The following SRSF3 variants were observed in gnomAD, a reference collection of about 807,000 sequenced individuals.
SRSF3 encodes serine and arginine rich splicing factor 3, also known as serine/arginine-rich splicing factor 3.
For synonymous variants in SRSF3, 87 were observed against 73.6 expected (o/e 1.18, Z -0.93); for missense variants, 58 against 217.1 (o/e 0.27, Z 4.61).
rs142053744 is a variant in SRSF3, at chr6:36,602,304, G to GT, written c.*324dup. The GT allele has an allele frequency of 8.9e-3, 2,919 of 326,154 alleles. 19 individuals carry two copies. The highest frequency in any genetic ancestry group is 0.02 in the African/African-American group (958 of 47,100). The allele number at this position is 326,154 out of a possible 1,614,324, so 20.2% of individuals were successfully genotyped here. On this transcript the variant is annotated 3_prime_UTR_variant, in exon 6 of 6. Transcript: ENST00000373715. ...CTCTAAACCTGCCCAGCGGAAGTGT[G>GT]TTTTTTTTTAAATTTAAATACAGAA...
chr6:36,598,453 G>A (rs551227203), intron 2 of SRSF3: 156 of 165,944 alleles, frequency 9.4e-4, no homozygotes, highest in Middle Eastern at 3.0e-3. Context: ...GTGTGATCTT[G>A]GCTCGTTGTA....
Position 36,602,934 on chromosome 6 carries a change from AACCC to A in SRSF3, c.*948_*951del. On this transcript the variant is annotated 3_prime_UTR_variant, in exon 6 of 6. Transcript: ENST00000373715. Reference sequence around the variant, plus strand: ...TAGCATAATTGTGTATAGTCAGTTGAACCCACTGTTACCATTGTTCTTATCCCAT... The same window carrying A: ...TAGCATAATTGTGTATAGTCAGTTGAACTGTTACCATTGTTCTTATCCCAT... 2 of 215,550 alleles carry A rather than the reference AACCC, an allele frequency of 9.3e-6. No individual in the cohort carries two copies. The highest frequency in any genetic ancestry group is 1.2e-4 in the Admixed American group (2 of 17,140). The allele number at this position is 215,550 out of a possible 1,614,324, so 13.4% of individuals were successfully genotyped here.
At position 36,602,942 on chromosome 6, in the gene SRSF3, G is replaced by A. The variant is rs145255788; in HGVS notation, c.*953G>A. ...TTGTGTATAGTCAGTTGAACCCACT[G>A]TTACCATTGTTCTTATCCCATGGGA... On this transcript the variant is annotated 3_prime_UTR_variant, in exon 6 of 6. Transcript: ENST00000373715. 1.5e-4 allele frequency: 33 copies of A among 215,526 alleles called. No individual in the cohort carries two copies. Among genetic ancestry groups the A allele is most frequent in the African/African-American group, 6.5e-4 (29 of 44,334 alleles). The allele number at this position is 215,526 out of a possible 1,614,324, so 13.4% of individuals were successfully genotyped here.
chr6:36,601,267 T>A, intron 4 of SRSF3, 77 bp downstream of exon 4: 9 of 1,464,186 alleles, frequency 6.1e-6, no homozygotes, highest in Non-Finnish European at 7.6e-6. Context: ...CCAGGTGGCT[T>A]AGTTAATGGG....
intron 4 of SRSF3, 85 bp from the exon 5 acceptor site, chr6:36,601,623 C>A: frequency 7.9e-7 from 1 of 1,271,606 alleles, no homozygotes; most frequent in Non-Finnish European, 1.1e-6. Context: ...GAATTATTGG[C>A]ATGAGTCACC....
intron 3 of SRSF3, chr6:36,600,234 C>T: frequency 9.5e-7 from 1 of 1,051,794 alleles, no homozygotes; most frequent in Non-Finnish European, 1.2e-6. Context: ...GTCAGTCCGG[C>T]AGCCTCACCT....
At chr6:36,594,924 C>T (rs1039390039) in intron 1 of SRSF3, among the ~76,000 whole-genome samples, 14 of 152,122 alleles carry the variant, frequency 9.2e-5, no homozygotes, top group Non-Finnish European at 1.6e-4. Context: ...GATTTTGCAG[C>T]CTGAATCTAA....
At chr6:36,601,901 C>T (rs1162997863) in intron 5 of SRSF3, 61 bp from the exon 6 acceptor site, 28 of 1,583,536 alleles carry the variant, frequency 1.8e-5, no homozygotes, top group East Asian at 1.3e-4. Context: ...CGATATGTCA[C>T]TAAAGTGTCA....
chr6:36,601,001 C>CTTTTTTTTTTTTTTTTTT lies in SRSF3; in HGVS notation c.342-143_342-126dup. The CTTTTTTTTTTTTTTTTTT allele has an allele frequency of 4.2e-3, 365 of 86,492 alleles. 67 individuals are homozygous for CTTTTTTTTTTTTTTTTTT. The highest frequency in any genetic ancestry group is 6.0e-3 in the East Asian group (14 of 2,326). The allele number at this position is 86,492 out of a possible 1,614,324, so 5.4% of individuals were successfully genotyped here. A position where few individuals can be genotyped will look rare whatever the true frequency, so the allele number is the denominator to read the frequency against. On this transcript the variant is annotated intron_variant, in intron 3 of 5. Transcript: ENST00000373715. Reference sequence around the variant, plus strand: ...GCCTTTTTTTTCTTTTCTTTTTTTTCTTTTTTTTTTTTTTTTTTTTTTTTT... The same window carrying CTTTTTTTTTTTTTTTTTT: ...GCCTTTTTTTTCTTTTCTTTTTTTTCTTTTTTTTTTTTTTTTTTTTTTTTTTTTTTTTTTTTTTTTTTT...
intron 5 of SRSF3, 27 bp from the exon 6 acceptor site, chr6:36,601,935 G>GTTTTTTTTTTTT: frequency 3.0e-6 from 4 of 1,318,550 alleles, no homozygotes; most frequent in African/African-American, 1.9e-5. Context: ...GTAATGTTTT[G>GTTTTTTTTTTTT]TTTTCTTTTT....
At chr6:36,601,457 C>T in intron 4 of SRSF3, 3 of 565,792 alleles carry the variant, frequency 5.3e-6, no homozygotes, top group Non-Finnish European at 9.4e-6. Context: ...GAGTGATCCT[C>T]CCTCTTCAGC....
At chr6:36,597,900 G>T (rs961620273) in intron 2 of SRSF3, among the ~76,000 whole-genome samples, 1 of 150,004 alleles carries the variant, frequency 6.7e-6, no homozygotes, top group African/African-American at 2.5e-5. Flanking sequence ...AGTCTGTGTT[G>T]CCCAGGCTGG....
rs780995002 is a variant in SRSF3 at position 36,601,841 on chromosome 6, G to A, written c.467+47G>A. ...ATTTAAGACTTTGCATACATAGTAT[G>A]CTAAGGCCTGTCTTCTAAGCCATAA... On this transcript the variant is annotated intron_variant, in intron 5 of 5. Coordinates refer to ENST00000373715, the MANE Select transcript of SRSF3 (RefSeq NM_003017.5). The A allele has an allele frequency of 5.0e-6, 8 of 1,604,936 alleles. No homozygotes were observed. The East Asian group carries it at 1.8e-4, about 36-fold the overall frequency.
chr6:36,601,552 C>A, intron 4 of SRSF3, 156 bp from the exon 5 acceptor site: 1 of 689,280 alleles, frequency 1.5e-6, no homozygotes, highest in East Asian at 2.5e-5. Flanking sequence ...CTTTGTTGTC[C>A]AATCTGTTCT....
Position 36,594,405 on chromosome 6 carries a change from G to C in SRSF3, c.-79G>C, listed in dbSNP as rs1260474614. The C allele has an allele frequency of 2.6e-5, 4 of 152,640 alleles. No individual in the cohort carries two copies. Among genetic ancestry groups the C allele is most frequent in the African/African-American group, 7.2e-5 (3 of 41,468 alleles). The allele number at this position is 152,640 out of a possible 1,614,324, so 9.5% of individuals were successfully genotyped here. On this transcript the variant is annotated 5_prime_UTR_variant, in exon 1 of 6. Transcript: ENST00000373715. ...CGGGTGAGTGAGAGAGTTGGTTGGT[G>C]TTGGGCCGGAGGAAAGCGGGAAGAC... is the stretch of plus-strand genomic sequence containing the variant.
At chr6:36,597,243 C>G in intron 2 of SRSF3, 1 of 469,440 alleles carries the variant, frequency 2.1e-6, no homozygotes, top group African/African-American at 2.0e-5. Context: ...GTAACTGGGA[C>G]TACAGGCGTG....
chr6:36,601,148 T>C lies in SRSF3; in HGVS notation c.342-4T>C, dbSNP rs1166684965. On this transcript the variant is annotated splice_polypyrimidine_tract_variant and splice_region_variant and intron_variant, in intron 3 of 5. Transcript: ENST00000373715. ...GAGCCTAATTTTCCTGTTTCTGCTT[T>C]TAGATCTCCAAGAAGGAGAAGCTTC... 2 of 1,613,848 alleles carry C rather than the reference T, an allele frequency of 1.2e-6. No homozygotes were observed. The highest frequency in any genetic ancestry group is 1.1e-5 in the South Asian group (1 of 91,074).
intron 2 of SRSF3, chr6:36,597,274 T>G (rs1778646249): frequency 1.4e-5 from 5 of 356,598 alleles, no homozygotes; most frequent in Middle Eastern, 8.4e-4. Flanking sequence ...CGGGGCTGAT[T>G]TTTGTATTTC....
At chr6:36,599,601 T>A in intron 3 of SRSF3, 1 of 342,602 alleles carries the variant, frequency 2.9e-6, no homozygotes, top group Non-Finnish European at 5.8e-6. Flanking sequence ...CAAAATAGTT[T>A]CTATAGGACT....
Sources: allele counts gnomAD v4.1 joint callset (sites outside exome capture counted in the v4.1 genomes callset), GRCh38; gene constraint gnomAD v4.1.1; transcripts MANE v1.5; gene names NCBI Gene and HGNC (gene_info 2026-07-23, HGNC 2026-07-21).